Variants in MSRA observed in about 807,000 individuals in gnomAD.
MSRA encodes methionine sulfoxide reductase A, also known as mitochondrial peptide methionine sulfoxide reductase.
A neutral mutation model predicts 31.3 loss-of-function variants in MSRA; 54 were observed. That is an observed-to-expected ratio of 1.73 (90% confidence interval 1.39 to 2.17). The LOEUF is 2.17. MSRA is among the 30% of genes most tolerant of loss of function. MSRA has a pLI of 0.00. For missense variants in MSRA, 507 were observed against 300.9 expected (o/e 1.69, Z -5.07); for synonymous variants, 169 against 116.5 (o/e 1.45, Z -2.90).
chr8:10,105,071 T>G (rs1197652280), intron 1 of MSRA, among the ~76,000 whole-genome samples: 1 of 152,232 alleles, frequency 6.6e-6, no homozygotes, highest in African/African-American at 2.4e-5. Flanking sequence ...AATTTAGATT[T>G]CCTTTTCTGT....
At chr8:10,418,623 C>T (rs1350210377) in intron 5 of MSRA, among the ~76,000 whole-genome samples, 3 of 151,938 alleles carry the variant, frequency 2.0e-5, no homozygotes, top group Non-Finnish European at 4.4e-5. Flanking sequence ...AATCCATGGT[C>T]CCCAAGAGAC....
At chr8:10,303,662 C>A (rs1376867814) in intron 4 of MSRA, among the ~76,000 whole-genome samples, 1 of 152,210 alleles carries the variant, frequency 6.6e-6, no homozygotes, top group Non-Finnish European at 1.5e-5. Flanking sequence ...ACCCTTCTGC[C>A]TCTCTTATGG....
chr8:10,088,755 AG>A (rs1798700411), intron 1 of MSRA, among the ~76,000 whole-genome samples: 1 of 152,144 alleles, frequency 6.6e-6, no homozygotes, highest in Admixed American at 6.5e-5. Flanking sequence ...AAGTCTATCA[AG>A]GGAGGAATAA....
At chr8:10,207,736 CAA>C in intron 1 of MSRA, 95 bp from the exon 2 acceptor site, 1 of 1,166,170 alleles carries the variant, frequency 8.6e-7, no homozygotes, top group Non-Finnish European at 1.2e-6. Flanking sequence ...ATTTTTAACT[CAA>C]AGGAGAAATA....
intron 5 of MSRA, among the ~76,000 whole-genome samples, chr8:10,376,374 G>C (rs1466301248): frequency 6.6e-6 from 1 of 152,184 alleles, no homozygotes; most frequent in African/African-American, 2.4e-5. Flanking sequence ...TTTTAATCAA[G>C]TGCAGATTTA....
At chr8:10,345,743 T>C (rs1314327393) in intron 5 of MSRA, among the ~76,000 whole-genome samples, 1 of 152,218 alleles carries the variant, frequency 6.6e-6, no homozygotes, top group African/African-American at 2.4e-5. Flanking sequence ...TCTGGTGTTT[T>C]AAGCTCACTC....
chr8:10,238,976 G>T (rs1232364726), intron 2 of MSRA, among the ~76,000 whole-genome samples: 1 of 152,086 alleles, frequency 6.6e-6, no homozygotes, highest in Non-Finnish European at 1.5e-5. Context: ...CAGATATGAG[G>T]TAATATCTGT....
Position 10,198,597 on chromosome 8 carries a change from C to G in MSRA, c.143-9236C>G, listed in dbSNP as rs753334955. ...CTATTTATAATTGCAGTGACTAGGT[C>G]GAAGGGTGGAAATGCTTTTGACATT... On this transcript the variant is annotated intron_variant, in intron 1 of 5. Transcript: ENST00000317173. Among the ~76,000 whole-genome samples the G allele has an allele frequency of 2.0e-5, 3 of 152,096 alleles. No homozygotes were observed. In the South Asian group the frequency reaches 6.2e-4, roughly 32 times the overall value.
intron 3 of MSRA, among the ~76,000 whole-genome samples, chr8:10,283,099 G>A (rs1799709606): frequency 1.3e-5 from 2 of 149,578 alleles, no homozygotes; most frequent in African/African-American, 5.0e-5. Context: ...GATGATAGGT[G>A]CAGACACATC....
At chr8:10,299,204 A>G (rs1280879309) in intron 3 of MSRA, among the ~76,000 whole-genome samples, 1 of 152,158 alleles carries the variant, frequency 6.6e-6, no homozygotes, top group Non-Finnish European at 1.5e-5. Flanking sequence ...GAAGAAATAC[A>G]TGTAAATTGA....
At chr8:10,100,994 T>C (rs935454510) in intron 1 of MSRA, among the ~76,000 whole-genome samples, 2 of 152,318 alleles carry the variant, frequency 1.3e-5, no homozygotes, top group African/African-American at 4.8e-5. Context: ...TTCTAAGTTA[T>C]TGTACCTCAT....
intron 1 of MSRA, among the ~76,000 whole-genome samples, chr8:10,132,368 C>G (rs1009093161): frequency 3.3e-5 from 5 of 152,174 alleles, no homozygotes; most frequent in Admixed American, 6.5e-5. Context: ...CTTAGGGGAC[C>G]CCCATCACTA....
chr8:10,068,647 T>C (rs2128916829), intron 1 of MSRA, among the ~76,000 whole-genome samples: 1 of 152,340 alleles, frequency 6.6e-6, no homozygotes, highest in South Asian at 2.1e-4. Flanking sequence ...GGGCTCCTTA[T>C]TATGATCCAT....
At chr8:10,083,894 T>C (rs1321646805) in intron 1 of MSRA, among the ~76,000 whole-genome samples, 1 of 152,224 alleles carries the variant, frequency 6.6e-6, no homozygotes, top group Non-Finnish European at 1.5e-5. Context: ...GAGAATTAGA[T>C]CCCAGTCCTA....
intron 1 of MSRA, among the ~76,000 whole-genome samples, chr8:10,192,237 C>G (rs1400479839): frequency 1.3e-5 from 2 of 152,188 alleles, no homozygotes; most frequent in East Asian, 1.9e-4. Context: ...TAAGTTCGGC[C>G]TACACTCAAA....
At chr8:10,134,723 G>A (rs1218106600) in intron 1 of MSRA, among the ~76,000 whole-genome samples, 1 of 152,240 alleles carries the variant, frequency 6.6e-6, no homozygotes, top group African/African-American at 2.4e-5. Flanking sequence ...TTAGTGAAAT[G>A]TCTAGGAGGG....
intron 5 of MSRA, among the ~76,000 whole-genome samples, chr8:10,417,945 G>T (rs1808582426): frequency 6.6e-6 from 1 of 152,108 alleles, no homozygotes. Context: ...AGTGAGTCTA[G>T]AATCCACATG....
intron 5 of MSRA, among the ~76,000 whole-genome samples, chr8:10,388,843 C>T (rs1326182198): frequency 6.6e-6 from 1 of 151,722 alleles, no homozygotes; most frequent in African/African-American, 2.4e-5. Flanking sequence ...ATGCCATTAG[C>T]TTGCTGCTTC....
At chr8:10,390,121 C>A (rs899448143) in intron 5 of MSRA, among the ~76,000 whole-genome samples, 1 of 152,236 alleles carries the variant, frequency 6.6e-6, no homozygotes, top group African/African-American at 2.4e-5. Context: ...ATCTGACATC[C>A]CCTCTCTGTA....
Sources: gnomAD v4.1 joint callset for allele counts (sites outside exome capture counted in the v4.1 genomes callset) on GRCh38, gnomAD v4.1.1 for gene constraint, MANE v1.5 for transcripts, NCBI Gene and HGNC (gene_info 2026-07-23, HGNC 2026-07-21) for gene names.